MAGI2: variants seen among roughly 807,000 people sequenced by gnomAD.
MAGI2 encodes membrane associated guanylate kinase, WW and PDZ domain containing 2.
Under a neutral mutation model 133.3 loss-of-function variants are expected in MAGI2, and 35 were observed. That is an observed-to-expected ratio of 0.26 (90% CI 0.20 to 0.35). The LOEUF is 0.35. Ranked by LOEUF, MAGI2 falls within the 10% of genes least tolerant of loss-of-function variation. The pLI, the probability that MAGI2 is intolerant of heterozygous loss-of-function variation, is 1.00. For missense variants in MAGI2, 1,636 were observed against 1,863.4 expected, an observed-to-expected ratio of 0.88 and a Z score of 2.25; for synonymous variants, 729 against 710.6, an observed-to-expected ratio of 1.03 and a Z score of -0.41.
intron 1 of MAGI2, among the ~76,000 whole-genome samples, chr7:79,424,731 T>C (rs766608464): frequency 2.4e-4 from 37 of 152,166 alleles, no homozygotes; most frequent in East Asian, 3.9e-4. Flanking sequence ...CTAAAGACTA[T>C]ATAAAGTCAC....
intron 6 of MAGI2, chr7:78,484,798 T>C (rs1449629657): frequency 2.0e-5 from 3 of 151,968 alleles, no homozygotes; most frequent in African/African-American, 7.2e-5. Context: ...GCTTCCAACA[T>C]GTGAAGGTAA....
intron 16 of MAGI2, among the ~76,000 whole-genome samples, chr7:78,156,838 C>T (rs996773025): frequency 1.4e-5 from 2 of 144,564 alleles, no homozygotes; most frequent in Non-Finnish European, 3.1e-5. Context: ...CAAAAAAAAA[C>T]CCCAAAAAAC....
intron 4 of MAGI2, among the ~76,000 whole-genome samples, chr7:78,508,075 C>G (rs894348295): frequency 5.9e-5 from 9 of 152,194 alleles, no homozygotes; most frequent in Admixed American, 4.6e-4. Context: ...TAATTGCAGT[C>G]TTCACATGGT....
At chr7:78,691,095 T>TTC (rs1206616824) in intron 2 of MAGI2, among the ~76,000 whole-genome samples, 2 of 152,234 alleles carry the variant, frequency 1.3e-5, no homozygotes, top group Non-Finnish European at 2.9e-5. Flanking sequence ...CCTCTGTGAC[T>TTC]TCTCACATGC....
In MAGI2 at chr7:78,303,378, C is replaced by CAAAAAAAAAAAAAAAAAA. The variant is rs11377993; in HGVS notation, c.1408+40382_1408+40399dup. On this transcript the variant is annotated intron_variant, in intron 9 of 21. Transcript: ENST00000354212. ...TGGGCAACAAGAGCAAAACTGTCTC[C>CAAAAAAAAAAAAAAAAAA]AAAAAAAAAAAAAAAAAAAAAAAAA... 6.0e-5 allele frequency among the ~76,000 whole-genome samples: 2 copies of CAAAAAAAAAAAAAAAAAA among 33,346 alleles called. 1 individual carries two copies. The highest frequency in any genetic ancestry group is 1.0e-4 in the Non-Finnish European group (2 of 19,430). The allele number at this position is 33,346 out of a possible 152,430, so 21.9% of individuals were successfully genotyped here. A position where few individuals can be genotyped will look rare whatever the true frequency, so the allele number is the denominator to read the frequency against.
intron 1 of MAGI2, among the ~76,000 whole-genome samples, chr7:79,307,674 T>C (rs1008385542): frequency 6.6e-6 from 1 of 152,346 alleles, no homozygotes; most frequent in African/African-American, 2.4e-5. Flanking sequence ...AGATAAATGC[T>C]GGAATCCTAG....
chr7:78,391,555 A>G (rs1562933168), intron 6 of MAGI2, among the ~76,000 whole-genome samples: 1 of 152,196 alleles, frequency 6.6e-6, no homozygotes. Context: ...TACTTAATTT[A>G]CAAAAGACAC....
intron 2 of MAGI2, among the ~76,000 whole-genome samples, chr7:78,690,684 C>T (rs1332409535): frequency 6.6e-6 from 1 of 152,068 alleles, no homozygotes; most frequent in Non-Finnish European, 1.5e-5. Flanking sequence ...AAATTCTGTC[C>T]CTACAGATGT....
chr7:79,132,172 A>C (rs1223775486), intron 1 of MAGI2, among the ~76,000 whole-genome samples: 2 of 152,094 alleles, frequency 1.3e-5, no homozygotes, highest in Non-Finnish European at 2.9e-5. Flanking sequence ...ATAGTTTTTG[A>C]GGTATAAGTG....
intron 10 of MAGI2, among the ~76,000 whole-genome samples, chr7:78,233,610 G>A (rs982791372): frequency 1.3e-5 from 2 of 152,048 alleles, no homozygotes; most frequent in Non-Finnish European, 2.9e-5. Flanking sequence ...AAAGAAAAGA[G>A]AAAAATCCAT....
intron 1 of MAGI2, among the ~76,000 whole-genome samples, chr7:79,252,018 G>A (rs575758546): frequency 4.6e-5 from 7 of 151,950 alleles, no homozygotes; most frequent in South Asian, 2.1e-4. Flanking sequence ...TTACCCTGGC[G>A]TGGTAGCCCA....
chr7:78,128,254 G>T (rs1030204489), intron 18 of MAGI2, among the ~76,000 whole-genome samples: 3 of 152,076 alleles, frequency 2.0e-5, no homozygotes, highest in African/African-American at 7.2e-5. Flanking sequence ...AAGCTGAGGG[G>T]GTTACTAGTT....
intron 1 of MAGI2, among the ~76,000 whole-genome samples, chr7:79,400,401 A>G (rs895426156): frequency 2.0e-5 from 3 of 152,212 alleles, no homozygotes; most frequent in Non-Finnish European, 4.4e-5. Flanking sequence ...AAAAAAACAA[A>G]GTCATAGTGC....
At chr7:78,057,352 C>T (rs1225520858) in intron 21 of MAGI2, among the ~76,000 whole-genome samples, 1 of 152,136 alleles carries the variant, frequency 6.6e-6, no homozygotes, top group East Asian at 1.9e-4. Flanking sequence ...AAGTGATTCT[C>T]CTGCCTCAGC....
chr7:79,280,338 G>A (rs1041329337), intron 1 of MAGI2, among the ~76,000 whole-genome samples: 3 of 152,076 alleles, frequency 2.0e-5, no homozygotes, highest in Non-Finnish European at 4.4e-5. Flanking sequence ...GTGTGAGTTG[G>A]AAGAATAACT....
chr7:78,743,175 G>A (rs763882125), intron 2 of MAGI2, among the ~76,000 whole-genome samples: 8 of 152,156 alleles, frequency 5.3e-5, no homozygotes, highest in East Asian at 1.9e-4. Context: ...ATAGTAACTA[G>A]AACATCCCCT....
intron 3 of MAGI2, among the ~76,000 whole-genome samples, chr7:78,562,082 A>T (rs1167815994): frequency 6.6e-6 from 1 of 152,164 alleles, no homozygotes; most frequent in Non-Finnish European, 1.5e-5. Context: ...GAGTTCACAG[A>T]AGGGAAGGAA....
intron 3 of MAGI2, among the ~76,000 whole-genome samples, chr7:78,528,830 G>A (rs1003260949): frequency 6.6e-6 from 1 of 152,032 alleles, no homozygotes; most frequent in Non-Finnish European, 1.5e-5. Flanking sequence ...TGGTGAAAAA[G>A]CATTAATCTT....
chr7:78,974,713 A>T (rs1172002180), intron 2 of MAGI2, among the ~76,000 whole-genome samples: 1 of 151,798 alleles, frequency 6.6e-6, no homozygotes, highest in African/African-American at 2.4e-5. Flanking sequence ...ATGCTCACAG[A>T]CATCTAATCC....
Sources: allele counts gnomAD v4.1 joint callset (sites outside exome capture counted in the v4.1 genomes callset), GRCh38; gene constraint gnomAD v4.1.1; transcripts MANE v1.5; gene names NCBI Gene and HGNC (gene_info 2026-07-23, HGNC 2026-07-21).